Variants in MIGA2 observed in about 807,000 individuals in gnomAD.
MIGA2 encodes family with sequence similarity 73, member B.
In MIGA2, 36 loss-of-function variants were observed where a neutral mutation model predicts 69.9. The observed-to-expected ratio is 0.52, with a 90% CI of 0.39 to 0.68. The LOEUF (loss-of-function observed/expected upper bound fraction) is 0.68, where lower values mean the gene tolerates loss of function less well. Among genes scored for constraint, MIGA2 ranks in the 30% least tolerant of loss-of-function variants. MIGA2 has a pLI of 0.00. For synonymous variants in MIGA2, 333 were observed against 349.2 expected, an observed-to-expected ratio of 0.95 and a Z score of 0.52; for missense variants, 660 against 787.7, an observed-to-expected ratio of 0.84 and a Z score of 1.94.
intron 11 of MIGA2, 138 bp from the exon 12 acceptor site, chr9:129,067,635 C>A: frequency 1.4e-6 from 1 of 739,312 alleles, no homozygotes; most frequent in Non-Finnish European, 2.3e-6. Context: ...GTAGGAGACA[C>A]TTCTCTGCCA....
Position 129,064,636 on chromosome 9 carries a change from G to A in MIGA2, c.1170+1005G>A, listed in dbSNP as rs144075311. Among the ~76,000 whole-genome samples, 320 of 152,164 alleles carry A rather than the reference G, an allele frequency of 2.1e-3. 3 individuals carry two copies. Among genetic ancestry groups the A allele is most frequent in the Admixed American group, 9.6e-3 (147 of 15,268 alleles). On this transcript the variant is annotated intron_variant, in intron 11 of 15. Coordinates refer to ENST00000684074, the MANE Select transcript of MIGA2 (RefSeq NM_001329990.2). The stretch of plus-strand genomic sequence containing the variant: ...CTCACTTGCGCCTGCTGCCCTTGGG[G>A]TGAAGGCCAAGCTCTGTTTGGTGGT...
chr9:129,049,048 C>CTTT (rs1845383066), intron 4 of MIGA2, among the ~76,000 whole-genome samples: 1 of 152,190 alleles, frequency 6.6e-6, no homozygotes, highest in Non-Finnish European at 1.5e-5. Flanking sequence ...TGGGTACTCT[C>CTTT]TGTCTTCTTG....
intron 2 of MIGA2, among the ~76,000 whole-genome samples, chr9:129,041,419 A>T (rs1421518277): frequency 6.6e-6 from 1 of 151,974 alleles, no homozygotes; most frequent in East Asian, 1.9e-4. Flanking sequence ...ACTTGAACCC[A>T]GGAAGCGGAG....
Position 129,060,334 on chromosome 9 carries a change from T to G in MIGA2, c.794-216T>G. ...ACCTGAGGCTGACGACCTCCGAGGA[T>G]GTCGTGGGTGTTGAAGGAGGTCACT... On this transcript the variant is annotated intron_variant, in intron 7 of 15. Transcript: ENST00000684074. The surrounding 1 kb of genome is among the most constrained non-coding windows in gnomAD (Gnocchi z 4.8). The G allele has an allele frequency of 6.1e-6, 3 of 494,750 alleles. No individual in the cohort carries two copies. Among genetic ancestry groups the G allele is most frequent in the Non-Finnish European group, 1.1e-5 (3 of 273,792 alleles). 30.6% of individuals were successfully genotyped at this position (494,750 alleles called of 1,614,324 possible). A position where few individuals can be genotyped will look rare whatever the true frequency, so the allele number is the denominator to read the frequency against.
chr9:129,039,729 T>TTAG (rs1446451000), intron 1 of MIGA2: 1 of 536 alleles, frequency 1.9e-3, no homozygotes, highest in Non-Finnish European at 2.7e-3. Flanking sequence ...CAGCTAGTTT[T>TTAG]TTGTTTGTTT....
chr9:129,049,135 C>G (rs767693659), intron 4 of MIGA2, among the ~76,000 whole-genome samples: 19 of 152,290 alleles, frequency 1.2e-4, no homozygotes, highest in Non-Finnish European at 7.4e-5. Context: ...TTCCCAGGTT[C>G]CTGGGCTGGG....
chr9:129,056,119 C>G (rs1308342612), intron 6 of MIGA2, among the ~76,000 whole-genome samples: 1 of 146,150 alleles, frequency 6.8e-6, no homozygotes, highest in Non-Finnish European at 1.5e-5. Flanking sequence ...AGAGCAAGAC[C>G]CTGTCTCAAG....
intron 5 of MIGA2, 122 bp from the exon 6 acceptor site, chr9:129,049,705 G>T: frequency 6.7e-7 from 1 of 1,496,514 alleles, no homozygotes; most frequent in Non-Finnish European, 9.2e-7. Context: ...AGCAGCCCAG[G>T]CCACACGGTC....
In MIGA2 at chr9:129,042,478, ATCC is replaced by A; in HGVS notation, c.274_276del (p.Leu93del). On this transcript the variant is annotated inframe_deletion, in exon 3 of 16. Transcript: ENST00000684074. ...GCAGCTGGGCACGGTGCCCCTCCCT[ATCC>A]TCTTGGCCAGGAAGGTCCCTTCAGT... 6.3e-7 allele frequency: 1 copy of A among 1,596,682 alleles called. No individual in the cohort carries two copies. Among genetic ancestry groups the A allele is most frequent in the Admixed American group, 1.7e-5 (1 of 57,184 alleles).
Position 129,068,512 on chromosome 9 carries a change from G to A in MIGA2, c.1404+180G>A. The A allele has an allele frequency of 1.4e-6, 1 of 713,886 alleles. No homozygotes were observed. Among genetic ancestry groups the A allele is most frequent in the Non-Finnish European group, 2.3e-6 (1 of 443,770 alleles). The allele number at this position is 713,886 out of a possible 1,614,324, so 44.2% of individuals were successfully genotyped here. On this transcript the variant is annotated intron_variant, in intron 13 of 15. Transcript: ENST00000684074. The surrounding 1 kb of genome is among the most constrained non-coding windows in gnomAD (Gnocchi z 4.1). ...GGAGAAGCCTCCAGGGTGCCCCGTTGCTGCCTGGTGCCCCAGTTTAGAACC... is the reference window on the plus strand; with the variant it reads ...GGAGAAGCCTCCAGGGTGCCCCGTTACTGCCTGGTGCCCCAGTTTAGAACC...
chr9:129,044,461 T>TA (rs1564602286), intron 3 of MIGA2, among the ~76,000 whole-genome samples: 1 of 152,198 alleles, frequency 6.6e-6, no homozygotes, highest in Non-Finnish European at 1.5e-5. Context: ...TAAAAACTCT[T>TA]ACGGCTCCTG....
chr9:129,038,789 C>CTTTTTTTTTTTTTGT (rs1844731636), intron 1 of MIGA2, among the ~76,000 whole-genome samples: 1 of 89,074 alleles, frequency 1.1e-5, no homozygotes, highest in African/African-American at 4.9e-5. Flanking sequence ...TTTTGTTTGT[C>CTTTTTTTTTTTTTGT]TTTTTTTTTT....
At chr9:129,058,244 T>C (rs1426227164) in intron 6 of MIGA2, among the ~76,000 whole-genome samples, 2 of 151,706 alleles carry the variant, frequency 1.3e-5, no homozygotes, top group African/African-American at 2.4e-5. Flanking sequence ...CAAAGATATA[T>C]ACAGAAGTTA....
In MIGA2 at chr9:129,070,279, C is replaced by T. The variant is rs375550824; in HGVS notation, c.1608C>T (p.Phe536=). Residue 536 remains phenylalanine (F), a synonymous_variant, in exon 16 of 16, where the codon TTC becomes TTT. Coordinates refer to ENST00000684074, the MANE Select transcript of MIGA2 (RefSeq NM_001329990.2). ...TTGTGCAGTACCTGAGGGACATGTTCGACCTGGACAATGTGCGCTACACGT... is the reference window on the plus strand; with the variant it reads ...TTGTGCAGTACCTGAGGGACATGTTTGACCTGGACAATGTGCGCTACACGT... The part of the protein sequence containing the change: ...HQIVQYLRDM[F]DLDNVRYTSL... 4.2e-5 allele frequency: 68 copies of T among 1,613,086 alleles called. No homozygotes were observed. Among genetic ancestry groups the T allele is most frequent in the Non-Finnish European group, 5.2e-5 (61 of 1,179,996 alleles).
chr9:129,054,116 G>T (rs1180225035), intron 6 of MIGA2, among the ~76,000 whole-genome samples: 1 of 152,134 alleles, frequency 6.6e-6, no homozygotes, highest in Non-Finnish European at 1.5e-5. Flanking sequence ...ACAAAATTGT[G>T]TATCTATTAT....
At chr9:129,049,582 C>A in intron 5 of MIGA2, 84 bp downstream of exon 5, 1 of 1,402,360 alleles carries the variant, frequency 7.1e-7, no homozygotes, top group South Asian at 1.2e-5. Context: ...AGTCTTGGGT[C>A]ACTTTGCCCC....
chr9:129,067,021 A>T (rs1271522950), intron 11 of MIGA2, among the ~76,000 whole-genome samples: 3 of 148,770 alleles, frequency 2.0e-5, no homozygotes, highest in Non-Finnish European at 4.4e-5. Flanking sequence ...TTGTAGTCCC[A>T]GCTACTTGGG....
rs1400573033 is a variant in MIGA2, at chr9:129,068,157, A to C, written c.1270-41A>C. ...TGGAAAGTGGCCCCGAGGCTCCGGCAGTGCCCCCATGCATGAGCCTCCCGG... is the reference window on the plus strand; with the variant it reads ...TGGAAAGTGGCCCCGAGGCTCCGGCCGTGCCCCCATGCATGAGCCTCCCGG... On this transcript the variant is annotated intron_variant, in intron 12 of 15. Coordinates refer to ENST00000684074, the MANE Select transcript of MIGA2 (RefSeq NM_001329990.2). This position sits in a 1 kb window ranked among gnomAD's most constrained non-coding sequence, Gnocchi z 4.1. 6.2e-7 allele frequency: 1 copy of C among 1,613,192 alleles called. No individual in the cohort carries two copies. The highest frequency in any genetic ancestry group is 1.3e-5 in the African/African-American group (1 of 74,930).
intron 6 of MIGA2, among the ~76,000 whole-genome samples, chr9:129,052,033 A>G (rs1845573429): frequency 6.6e-6 from 1 of 151,758 alleles, no homozygotes; most frequent in Non-Finnish European, 1.5e-5. Context: ...TCACTGTGTT[A>G]GCCAGGATGG....
Sources: allele counts gnomAD v4.1 joint callset (sites outside exome capture counted in the v4.1 genomes callset), GRCh38; gene constraint gnomAD v4.1.1; non-coding constraint Gnocchi (gnomAD v3.1); transcripts MANE v1.5; gene names NCBI Gene and HGNC (gene_info 2026-07-23, HGNC 2026-07-21).